Variants in PCDH1 observed in about 807,000 individuals in gnomAD.
PCDH1 encodes the protein protocadherin 1.
PCDH1 carries 23 observed loss-of-function variants against 74.6 expected under a neutral mutation model. The observed-to-expected ratio is 0.31, with a 90% CI of 0.22 to 0.44. The LOEUF (loss-of-function observed/expected upper bound fraction) is 0.44. Among genes scored for constraint, PCDH1 ranks in the 20% least tolerant of loss-of-function variants. PCDH1 has a pLI of 1.00. For missense variants in PCDH1, 1,214 were observed against 1,641.4 expected, an observed-to-expected ratio of 0.74 and a Z score of 4.50; for synonymous variants, 647 against 686.1, an observed-to-expected ratio of 0.94 and a Z score of 0.89.
At chr5:141,856,302 C>A in intron 4 of PCDH1, 1 of 1,486,144 alleles carries the variant, frequency 6.7e-7, no homozygotes, top group Non-Finnish European at 9.0e-7. Context: ...CATGAGATCG[C>A]GCATGGAGGG....
chr5:141,866,202 C>CA, intron 2 of PCDH1: 1 of 985,520 alleles, frequency 1.0e-6, no homozygotes, highest in African/African-American at 1.7e-5. Flanking sequence ...GTTTCAGCAG[C>CA]AACTTCTCCT....
intron 1 of PCDH1, among the ~76,000 whole-genome samples, chr5:141,875,521 C>T (rs4623177): frequency 0.1 from 15,819 of 151,362 alleles, 2,192 homozygotes; most frequent in African/African-American, 0.32. Context: ...CCCACCCTCG[C>T]GGCCCCCTCC....
Position 141,864,738 on chromosome 5 carries a change from A to C in PCDH1, c.1593T>G (p.Ser531Arg). 6.2e-7 allele frequency: 1 copy of C among 1,614,102 alleles called. No homozygotes were observed. The highest frequency in any genetic ancestry group is 8.5e-7 in the Non-Finnish European group (1 of 1,180,020). Residue 531 changes from serine to arginine, a missense_variant, in exon 3 of 5, where the codon AGT becomes AGG. Around this residue, in one of 4 missense-constraint regions of PCDH1, gnomAD observed 836 missense variants for 1,182.2 expected, o/e 0.71. Transcript: ENST00000287008. The surrounding 1 kb of genome is among the most constrained non-coding windows in gnomAD (Gnocchi z 5.9). Reference protein sequence around the residue: ...PGEVIAEITASDADSGSNAEL... With the variant: ...PGEVIAEITARDADSGSNAEL... ...CAGCATTAGAGCCAGAGTCAGCATC[A>C]CTGGCAGTGATCTCAGCAATCACTT... is the stretch of plus-strand genomic sequence containing the variant.
intron 4 of PCDH1, 85 bp from the exon 5 acceptor site, chr5:141,854,521 C>T (rs1562473596): frequency 7.1e-7 from 1 of 1,411,492 alleles, no homozygotes. Flanking sequence ...GGCATCTACA[C>T]CCCACCTCAG....
At chr5:141,855,235 A>C (rs1159590569) in intron 4 of PCDH1, among the ~76,000 whole-genome samples, 4 of 152,070 alleles carry the variant, frequency 2.6e-5, no homozygotes, top group Non-Finnish European at 5.9e-5. Flanking sequence ...TCAGCCTCCC[A>C]GAGTGTTGGA....
intron 1 of PCDH1, among the ~76,000 whole-genome samples, chr5:141,873,061 G>A (rs149330311): frequency 3.0e-4 from 46 of 152,258 alleles, no homozygotes; most frequent in African/African-American, 1.1e-3. Flanking sequence ...GTGATGCAAT[G>A]GTCGGACCAT....
chr5:141,871,177 C>T (rs1385142622), intron 1 of PCDH1, among the ~76,000 whole-genome samples: 3 of 152,252 alleles, frequency 2.0e-5, no homozygotes, highest in African/African-American at 7.2e-5. Flanking sequence ...GTACTCTGTA[C>T]ACTCACTCAT....
chr5:141,865,845 C>T lies in PCDH1; in HGVS notation c.904-418G>A, dbSNP rs935631105. On this transcript the variant is annotated intron_variant, in intron 2 of 4. Coordinates refer to ENST00000287008, the MANE Select transcript of PCDH1 (RefSeq NM_032420.5). This position sits in a 1 kb window ranked among gnomAD's most constrained non-coding sequence, Gnocchi z 4.4. ...GATGGAGAGGTGCGAGTAGTAGAGG[C>T]GGTGTGTGTGCCCGTGTGAATGTGC... 3.9e-5 allele frequency among the ~76,000 whole-genome samples: 6 copies of T among 152,176 alleles called. No homozygotes were observed. The highest frequency in any genetic ancestry group is 6.5e-5 in the Admixed American group (1 of 15,284).
intron 4 of PCDH1, among the ~76,000 whole-genome samples, chr5:141,854,642 G>A (rs369053003): frequency 1.3e-5 from 2 of 151,782 alleles, no homozygotes; most frequent in Admixed American, 6.6e-5. Context: ...ACACGCACAC[G>A]CACACACACA....
chr5:141,854,101 A>C lies in PCDH1; in HGVS notation c.3655T>G (p.Phe1219Val), dbSNP rs765077668. 3 of 1,557,784 alleles carry C rather than the reference A, an allele frequency of 1.9e-6. No homozygotes were observed. In the African/African-American group the frequency reaches 4.1e-5, roughly 21 times the overall value. ...GATGCCGGTGTGGCTGCGGGTGGGA[A>C]GTCCGAGGTCTGGGTCAGGGGGATT... ...EEIPLTQTSD[F>V]PPAATPASAQ... is the part of the protein sequence containing the mutation. Residue 1219 changes from phenylalanine (F) to valine (V), a missense_variant, in exon 5 of 5, where the codon TTC (phenylalanine) becomes GTC (valine). By Grantham distance (50) the Phe-to-Val change is conservative. Coordinates refer to ENST00000287008, the MANE Select transcript of PCDH1 (RefSeq NM_032420.5).
chr5:141,859,083 A>T (rs1752472759), intron 3 of PCDH1, among the ~76,000 whole-genome samples: 1 of 152,122 alleles, frequency 6.6e-6, no homozygotes, highest in Non-Finnish European at 1.5e-5. Flanking sequence ...GGTCTGGGTG[A>T]TGACTGATAA....
At chr5:141,873,755 G>T (rs1306754143) in intron 1 of PCDH1, among the ~76,000 whole-genome samples, 1 of 152,030 alleles carries the variant, frequency 6.6e-6, no homozygotes, top group Non-Finnish European at 1.5e-5. Flanking sequence ...ACTGCGCCCA[G>T]CCCCTGCAAA....
At chr5:141,871,581 T>C (rs1278902140) in intron 1 of PCDH1, among the ~76,000 whole-genome samples, 1 of 152,234 alleles carries the variant, frequency 6.6e-6, no homozygotes, top group Non-Finnish European at 1.5e-5. Flanking sequence ...TGAGATACTG[T>C]GGGCTAAATG....
intron 2 of PCDH1, among the ~76,000 whole-genome samples, chr5:141,866,770 A>G (rs997215893): frequency 1.3e-5 from 2 of 152,186 alleles, no homozygotes; most frequent in Admixed American, 1.3e-4. Flanking sequence ...AATGCCTGAC[A>G]TTGCCCGGCA....
chr5:141,869,621 C>T lies in PCDH1; in HGVS notation c.41-190G>A. The T allele has an allele frequency of 6.5e-7, 1 of 1,534,532 alleles. No homozygotes were observed. Among genetic ancestry groups the T allele is most frequent in the Non-Finnish European group, 8.7e-7 (1 of 1,146,572 alleles). ...GAATCTCATCCACAGCTGGGTGTAG[C>T]AGCAGTGTCTGCCCCAGCTGGAGGA... On this transcript the variant is annotated intron_variant, in intron 1 of 4. Coordinates refer to ENST00000287008, the MANE Select transcript of PCDH1 (RefSeq NM_032420.5). This position sits in a 1 kb window ranked among gnomAD's most constrained non-coding sequence, Gnocchi z 4.9.
chr5:141,868,397 AC>A lies in PCDH1; in HGVS notation c.903+171del. On this transcript the variant is annotated intron_variant, in intron 2 of 4. Transcript: ENST00000287008. This position sits in a 1 kb window ranked among gnomAD's most constrained non-coding sequence, Gnocchi z 4.8. ...TAGCCTGATAGAGGAAAGTAATATC[AC>A]CTGCTGGGGTGGGGTGGGAAAGACT... The A allele has an allele frequency of 1.4e-6, 2 of 1,387,624 alleles. No individual in the cohort carries two copies. Among genetic ancestry groups the A allele is most frequent in the Admixed American group, 3.4e-5 (1 of 29,740 alleles). 86.0% of individuals were successfully genotyped at this position (1,387,624 alleles called of 1,614,324 possible). A position where few individuals can be genotyped will look rare whatever the true frequency, so the allele number is the denominator to read the frequency against.
At position 141,878,379 on chromosome 5, in the gene PCDH1, G is replaced by T; in HGVS notation, c.-117C>A. 1 of 739,290 alleles carries T rather than the reference G, an allele frequency of 1.4e-6. No individual in the cohort carries two copies. The highest frequency in any genetic ancestry group is 1.8e-6 in the Non-Finnish European group (1 of 565,760). The allele number at this position is 739,290 out of a possible 1,614,324, so 45.8% of individuals were successfully genotyped here. On this transcript the variant is annotated 5_prime_UTR_variant, in exon 1 of 5. Coordinates refer to ENST00000287008, the MANE Select transcript of PCDH1 (RefSeq NM_032420.5). This position sits in a 1 kb window ranked among gnomAD's most constrained non-coding sequence, Gnocchi z 5.5. The stretch of plus-strand genomic sequence containing the variant: ...GGGCGCAGCAGCCCGGCGGCTTTGC[G>T]TCCGCGCCGCGCTCCCGCTCCCCGA...
At chr5:141,866,254 C>T (rs544630268) in intron 2 of PCDH1, 35 of 985,212 alleles carry the variant, frequency 3.6e-5, no homozygotes, top group African/African-American at 1.2e-4. Flanking sequence ...GCGAGGAATC[C>T]GGCCTGAGCC....
intron 3 of PCDH1, among the ~76,000 whole-genome samples, chr5:141,861,330 G>A (rs1472798561): frequency 6.6e-6 from 1 of 152,138 alleles, no homozygotes; most frequent in African/African-American, 2.4e-5. Context: ...GCCTGTGTGT[G>A]TTGATGATGA....
Sources: gnomAD v4.1 joint callset for allele counts (sites outside exome capture counted in the v4.1 genomes callset) on GRCh38, gnomAD v4.1.1 for gene constraint, gnomAD v4.1.1 regional missense constraint, Gnocchi (gnomAD v3.1) non-coding constraint, MANE v1.5 for transcripts, NCBI Gene and HGNC (gene_info 2026-07-23, HGNC 2026-07-21) for gene names.